GPC6: variants seen among roughly 807,000 people sequenced by gnomAD.
The protein encoded by GPC6 is glypican-6.
In GPC6, 14 loss-of-function variants were observed where a neutral mutation model predicts 55.2. The observed-to-expected ratio is 0.25, with a 90% confidence interval of 0.17 to 0.40. The LOEUF is 0.40. Among genes scored for constraint, GPC6 ranks in the 10% least tolerant of loss-of-function variants. The pLI is 1.00. For synonymous variants in GPC6, 278 were observed against 259.6 expected, an observed-to-expected ratio of 1.07 and a Z score of -0.68; for missense variants, 641 against 708.5, an observed-to-expected ratio of 0.90 and a Z score of 1.08.
intron 7 of GPC6, among the ~76,000 whole-genome samples, chr13:94,385,448 G>A (rs930285952): frequency 6.6e-6 from 1 of 152,206 alleles, no homozygotes; most frequent in African/African-American, 2.4e-5. Context: ...AAGATTTTAT[G>A]CAGGTGGGAA....
intron 1 of GPC6, among the ~76,000 whole-genome samples, chr13:93,511,006 T>TATGTGTATATATATGTG (rs1880947879): frequency 2.8e-5 from 2 of 71,612 alleles, no homozygotes; most frequent in African/African-American, 4.1e-5. Flanking sequence ...TATATATATA[T>TATGTGTATATATATGTG]TCATGTCCTT....
chr13:94,212,868 A>G (rs1305023184), intron 4 of GPC6, among the ~76,000 whole-genome samples: 1 of 152,188 alleles, frequency 6.6e-6, no homozygotes, highest in African/African-American at 2.4e-5. Context: ...CAATGTCAAA[A>G]CTACTAGGGC....
intron 2 of GPC6, among the ~76,000 whole-genome samples, chr13:93,687,063 T>G (rs1465714719): frequency 2.0e-5 from 3 of 152,078 alleles, no homozygotes; most frequent in Non-Finnish European, 4.4e-5. Flanking sequence ...ATTAATCAAG[T>G]TCATTTTTGT....
At chr13:94,237,427 C>G (rs140427090) in intron 4 of GPC6, among the ~76,000 whole-genome samples, 97 of 152,128 alleles carry the variant, frequency 6.4e-4, no homozygotes, top group Admixed American at 1.4e-3. Flanking sequence ...AACAGCAGAT[C>G]TTAGACAACA....
intron 4 of GPC6, among the ~76,000 whole-genome samples, chr13:94,194,899 G>A (rs758234960): frequency 2.8e-4 from 42 of 151,866 alleles, no homozygotes; most frequent in Non-Finnish European, 5.4e-4. Context: ...CTGTAGATGA[G>A]TATATTTATA....
chr13:93,589,995 C>A (rs73541588), intron 2 of GPC6, among the ~76,000 whole-genome samples: 7,783 of 152,274 alleles, frequency 0.051, 661 homozygotes, highest in African/African-American at 0.18. Context: ...CTGCTGGTAA[C>A]TGCTCAGACT....
At chr13:93,899,473 G>T (rs1037556317) in intron 3 of GPC6, among the ~76,000 whole-genome samples, 6 of 151,934 alleles carry the variant, frequency 3.9e-5, no homozygotes, top group African/African-American at 9.7e-5. Context: ...AAATTCCATG[G>T]GGGGAGAGAC....
intron 2 of GPC6, among the ~76,000 whole-genome samples, chr13:93,620,989 G>T (rs1878928953): frequency 6.6e-6 from 1 of 152,072 alleles, no homozygotes; most frequent in Non-Finnish European, 1.5e-5. Context: ...TGAATAGCTA[G>T]TTTCTCTGTG....
intron 1 of GPC6, among the ~76,000 whole-genome samples, chr13:93,335,472 A>G (rs1196379287): frequency 6.6e-6 from 1 of 152,234 alleles, no homozygotes; most frequent in Non-Finnish European, 1.5e-5. Context: ...ATAACTTGTA[A>G]AAGATCACAG....
At chr13:93,237,456 G>A (rs1159460630) in intron 1 of GPC6, among the ~76,000 whole-genome samples, 3 of 152,036 alleles carry the variant, frequency 2.0e-5, no homozygotes, top group African/African-American at 7.2e-5. Context: ...GATCCTTGTA[G>A]ATTATAGATA....
intron 7 of GPC6, among the ~76,000 whole-genome samples, chr13:94,396,617 G>T (rs1022227351): frequency 6.6e-6 from 1 of 152,212 alleles, no homozygotes; most frequent in Non-Finnish European, 1.5e-5. Context: ...GTGAGGATAG[G>T]CCTGGGTCTT....
At chr13:94,252,698 G>A (rs1020100285) in intron 4 of GPC6, among the ~76,000 whole-genome samples, 5 of 151,976 alleles carry the variant, frequency 3.3e-5, no homozygotes, top group Non-Finnish European at 7.4e-5. Flanking sequence ...ATTGAATGAT[G>A]GAATTTCAAG....
intron 4 of GPC6, among the ~76,000 whole-genome samples, chr13:94,250,479 T>C (rs1891315395): frequency 6.6e-6 from 1 of 152,210 alleles, no homozygotes; most frequent in South Asian, 2.1e-4. Flanking sequence ...TATCTGAAAT[T>C]ATGCTCACAT....
intron 1 of GPC6, among the ~76,000 whole-genome samples, chr13:93,496,122 C>G (rs566996379): frequency 2.6e-5 from 4 of 152,252 alleles, no homozygotes; most frequent in Non-Finnish European, 4.4e-5. Flanking sequence ...CCTCCCCCAG[C>G]CTTGCTGCCT....
chr13:94,194,388 T>C (rs1354088347), intron 4 of GPC6, among the ~76,000 whole-genome samples: 2 of 152,196 alleles, frequency 1.3e-5, no homozygotes, highest in African/African-American at 4.8e-5. Context: ...AATGTATGCA[T>C]ATGTGTGTAT....
chr13:93,417,588 G>C (rs1231706850), intron 1 of GPC6, among the ~76,000 whole-genome samples: 2 of 152,058 alleles, frequency 1.3e-5, no homozygotes. Context: ...GTGGGGGAGA[G>C]GATTGGGCAG....
chr13:94,312,720 GCACACA>G (rs200990954), intron 6 of GPC6, among the ~76,000 whole-genome samples: 5 of 136,200 alleles, frequency 3.7e-5, no homozygotes, highest in Non-Finnish European at 7.6e-5. Context: ...ACACGCGCAC[GCACACA>G]CACACACACA....
chr13:93,489,304 G>C (rs1879859196), intron 1 of GPC6, among the ~76,000 whole-genome samples: 1 of 151,252 alleles, frequency 6.6e-6, no homozygotes, highest in African/African-American at 2.4e-5. Flanking sequence ...TATTTCTGAG[G>C]GCTCTGTTCT....
chr13:93,677,349 G>A (rs1881673283), intron 2 of GPC6, among the ~76,000 whole-genome samples: 1 of 152,066 alleles, frequency 6.6e-6, no homozygotes, highest in East Asian at 1.9e-4. Flanking sequence ...GATGGTAGAT[G>A]TCAATAAATA....
Sources: allele counts gnomAD v4.1 joint callset (sites outside exome capture counted in the v4.1 genomes callset), GRCh38; gene constraint gnomAD v4.1.1; transcripts MANE v1.5; gene names NCBI Gene and HGNC (gene_info 2026-07-23, HGNC 2026-07-21).